The following MARK2 variants were observed in gnomAD, a reference collection of about 807,000 sequenced individuals.
The protein encoded by MARK2 is serine/threonine-protein kinase MARK2.
In MARK2, 16 loss-of-function variants were observed where a neutral mutation model predicts 89.8. The observed-to-expected ratio is 0.18, with a 90% CI of 0.12 to 0.27. MARK2 has a LOEUF of 0.27. Among genes scored for constraint, MARK2 ranks in the 10% least tolerant of loss-of-function variants. MARK2 has a pLI of 1.00. For missense variants in MARK2, 621 were observed against 1,049.9 expected (o/e 0.59, Z 5.65); for synonymous variants, 382 against 399.5 (o/e 0.96, Z 0.52).
In MARK2 at chr11:63,910,402, G is replaced by C. The variant is rs1941675337; in HGVS notation, c.*1165G>C. 6.6e-6 allele frequency: 1 copy of C among 152,292 alleles called. No individual in the cohort carries two copies. Among genetic ancestry groups the C allele is most frequent in the Admixed American group, 6.5e-5 (1 of 15,280 alleles). The allele number at this position is 152,292 out of a possible 1,614,324, so 9.4% of individuals were successfully genotyped here. A position where few individuals can be genotyped will look rare whatever the true frequency, so the allele number is the denominator to read the frequency against. ...GCTGAGTTAGGCAGCAGGGCCGGGA[G>C]CGTCTGCCCTCCACAGGGTGGGGGA... On this transcript the variant is annotated 3_prime_UTR_variant, in exon 19 of 19. Coordinates refer to ENST00000402010, the MANE Select transcript of MARK2 (RefSeq NM_001039469.3).
At chr11:63,855,655 CAAA>C (rs1379309732) in intron 1 of MARK2, among the ~76,000 whole-genome samples, 2 of 152,098 alleles carry the variant, frequency 1.3e-5, no homozygotes, top group Non-Finnish European at 2.9e-5. Context: ...GGTGTAGTAT[CAAA>C]GAAGAAAATC....
In MARK2 at chr11:63,909,487, G is replaced by A. The variant is rs1336822882; in HGVS notation, c.*250G>A. The stretch of plus-strand genomic sequence containing the variant: ...CTCTCCCCTACTGGAGGCAAAGGAA[G>A]GGGAGGGTGGATGGGGGGGCAGGGC... On this transcript the variant is annotated 3_prime_UTR_variant, in exon 19 of 19. Coordinates refer to ENST00000402010, the MANE Select transcript of MARK2 (RefSeq NM_001039469.3). 5 of 387,692 alleles carry A rather than the reference G, an allele frequency of 1.3e-5. No individual in the cohort carries two copies. The highest frequency in any genetic ancestry group is 2.3e-5 in the Non-Finnish European group (5 of 217,884). The allele number at this position is 387,692 out of a possible 1,614,324, so 24.0% of individuals were successfully genotyped here.
intron 7 of MARK2, 103 bp downstream of exon 7, chr11:63,899,211 C>A: frequency 1.4e-6 from 1 of 733,624 alleles, no homozygotes; most frequent in Admixed American, 2.2e-5. Context: ...CTGAGTGTTC[C>A]AGGAAACTCC....
Position 63,910,652 on chromosome 11 carries a change from A to ATTTTTTTTTTTTTTTTTTTTT in MARK2, c.*1429_*1430insTTTTTTTTTTTTTTTTTTTTT, listed in dbSNP as rs750155967. 1.5e-5 allele frequency: 2 copies of ATTTTTTTTTTTTTTTTTTTTT among 137,432 alleles called. No homozygotes were observed. The highest frequency in any genetic ancestry group is 2.7e-5 in the African/African-American group (1 of 37,510). 8.5% of individuals were successfully genotyped at this position (137,432 alleles called of 1,614,324 possible). A position where few individuals can be genotyped will look rare whatever the true frequency, so the allele number is the denominator to read the frequency against. ...GTTTTATTTTTTATTATTTTATTTT[A>ATTTTTTTTTTTTTTTTTTTTT]TTTTTTTTTTTTTTGATTTATGATG... On this transcript the variant is annotated 3_prime_UTR_variant, in exon 19 of 19. Coordinates refer to ENST00000402010, the MANE Select transcript of MARK2 (RefSeq NM_001039469.3).
At chr11:63,858,828 G>A (rs1937602218) in intron 1 of MARK2, among the ~76,000 whole-genome samples, 1 of 152,136 alleles carries the variant, frequency 6.6e-6, no homozygotes, top group South Asian at 2.1e-4. Flanking sequence ...ACCTCATAAT[G>A]AGCCTCTGTT....
At chr11:63,893,624 C>G (rs1940105612) in intron 1 of MARK2, among the ~76,000 whole-genome samples, 1 of 151,970 alleles carries the variant, frequency 6.6e-6, no homozygotes, top group African/African-American at 2.4e-5. Flanking sequence ...ATGTACACGT[C>G]TTCACATAGA....
At chr11:63,908,843 C>CA (rs781307750) in intron 18 of MARK2, 34 bp from the exon 19 acceptor site, 12 of 1,434,244 alleles carry the variant, frequency 8.4e-6, no homozygotes, top group African/African-American at 1.4e-5. Context: ...GTGCCTCAGC[C>CA]CCCCCGTGAC....
chr11:63,902,776 C>G lies in MARK2; in HGVS notation c.1410C>G (p.Pro470=). Residue 470 remains proline (P), a synonymous_variant, in exon 13 of 19, where the codon CCC becomes CCG. Coordinates refer to ENST00000402010, the MANE Select transcript of MARK2 (RefSeq NM_001039469.3). This position sits in a 1 kb window ranked among gnomAD's most constrained non-coding sequence, Gnocchi z 4.2. The part of the protein sequence containing the change: ...GLERKKTTPT[P]STNSVLSTST... Reference sequence around the variant, plus strand: ...AGAGGAAGAAGACCACCCCAACCCCCTCCACGGTGAGCCGCACCCCCCGCT... The same window carrying G: ...AGAGGAAGAAGACCACCCCAACCCCGTCCACGGTGAGCCGCACCCCCCGCT... 1 of 1,610,940 alleles carries G rather than the reference C, an allele frequency of 6.2e-7. No homozygotes were observed. The highest frequency in any genetic ancestry group is 8.5e-7 in the Non-Finnish European group (1 of 1,178,386).
chr11:63,903,454 A>G lies in MARK2; in HGVS notation c.1514+296A>G, dbSNP rs1941066678. The G allele has an allele frequency of 4.6e-6, 2 of 434,568 alleles. No individual in the cohort carries two copies. Among genetic ancestry groups the G allele is most frequent in the Non-Finnish European group, 8.6e-6 (2 of 233,046 alleles). The allele number at this position is 434,568 out of a possible 1,614,324, so 26.9% of individuals were successfully genotyped here. A position where few individuals can be genotyped will look rare whatever the true frequency, so the allele number is the denominator to read the frequency against. On this transcript the variant is annotated intron_variant, in intron 14 of 18. Transcript: ENST00000402010. The surrounding 1 kb of genome is among the most constrained non-coding windows in gnomAD (Gnocchi z 5.1). ...GCATGGCAGCTGCCCTCCTCTAGAC[A>G]TGAGCAGCTAAGGCCTTGTGTTGGG...
intron 1 of MARK2, among the ~76,000 whole-genome samples, chr11:63,853,453 A>G (rs1430448560): frequency 6.6e-6 from 1 of 152,220 alleles, no homozygotes; most frequent in African/African-American, 2.4e-5. Flanking sequence ...TTATTTACAG[A>G]ATTTTACTTT....
chr11:63,853,223 A>G (rs1051047102), intron 1 of MARK2, among the ~76,000 whole-genome samples: 3 of 151,624 alleles, frequency 2.0e-5, no homozygotes, highest in Non-Finnish European at 4.4e-5. Flanking sequence ...ACATGGTGAA[A>G]CTCCTTCTCT....
At chr11:63,886,534 C>T (rs1939407946) in intron 1 of MARK2, among the ~76,000 whole-genome samples, 1 of 152,122 alleles carries the variant, frequency 6.6e-6, no homozygotes, top group South Asian at 2.1e-4. Flanking sequence ...AAGCAGTTCT[C>T]ATGCCTCAGC....
chr11:63,839,737 C>T (rs571624684), intron 1 of MARK2, among the ~76,000 whole-genome samples, 177 bp downstream of exon 1: 1 of 152,094 alleles, frequency 6.6e-6, no homozygotes, highest in African/African-American at 2.4e-5. Flanking sequence ...TGACCTGGGA[C>T]CCACCTCGTC....
chr11:63,858,831 C>T (rs1449480695), intron 1 of MARK2, among the ~76,000 whole-genome samples: 1 of 152,094 alleles, frequency 6.6e-6, no homozygotes, highest in Admixed American at 6.5e-5. Context: ...TCATAATGAG[C>T]CTCTGTTTTG....
chr11:63,901,447 G>GTGTC (rs1940864439), intron 11 of MARK2, among the ~76,000 whole-genome samples: 2 of 139,002 alleles, frequency 1.4e-5, no homozygotes, highest in Non-Finnish European at 3.1e-5. Flanking sequence ...CTCTGTGTGT[G>GTGTC]TCTGATCGGA....
intron 1 of MARK2, among the ~76,000 whole-genome samples, chr11:63,846,643 C>A (rs1437818061): frequency 6.7e-6 from 1 of 148,936 alleles, no homozygotes; most frequent in African/African-American, 2.5e-5. Context: ...AGTCACCCCG[C>A]CTGGCCAAAA....
In MARK2 at chr11:63,861,464, A is replaced by G. The variant is rs1226283198; in HGVS notation, c.54+21904A>G. ...AAAAAAAACAAGAATTTTAATTTCA[A>G]ATATTTGTTTACTGTATTAGTTAAG... On this transcript the variant is annotated intron_variant, in intron 1 of 18. Transcript: ENST00000402010. 2.0e-5 allele frequency among the ~76,000 whole-genome samples: 3 copies of G among 152,182 alleles called. No individual in the cohort carries two copies. In the East Asian group the frequency reaches 5.8e-4, roughly 29 times the overall value.
chr11:63,851,379 G>A (rs966795019), intron 1 of MARK2, among the ~76,000 whole-genome samples: 3 of 152,148 alleles, frequency 2.0e-5, no homozygotes, highest in Non-Finnish European at 4.4e-5. Context: ...CTGGAGGATT[G>A]CTTGAGGCCA....
intron 16 of MARK2, among the ~76,000 whole-genome samples, chr11:63,905,505 G>A (rs1941253132): frequency 6.6e-6 from 1 of 152,250 alleles, no homozygotes; most frequent in African/African-American, 2.4e-5. Context: ...TCTGGCTGCA[G>A]GCGCAGCCAT....
Sources: gnomAD v4.1 joint callset for allele counts (sites outside exome capture counted in the v4.1 genomes callset) on GRCh38, gnomAD v4.1.1 for gene constraint, Gnocchi (gnomAD v3.1) non-coding constraint, MANE v1.5 for transcripts, NCBI Gene and HGNC (gene_info 2026-07-23, HGNC 2026-07-21) for gene names.